The following PPP3CC variants were observed in gnomAD, a reference collection of about 807,000 sequenced individuals.
PPP3CC encodes protein phosphatase 3 catalytic subunit gamma, also known as serine/threonine-protein phosphatase 2B catalytic subunit gamma isoform.
A neutral mutation model predicts 60.3 loss-of-function variants in PPP3CC; 35 were observed. The observed-to-expected ratio is 0.58, with a 90% confidence interval of 0.44 to 0.77. The LOEUF (loss-of-function observed/expected upper bound fraction) is 0.77. Among genes scored for constraint, PPP3CC ranks in the 30% least tolerant of loss-of-function variants. The pLI is 0.00. For missense variants in PPP3CC, 570 were observed against 628.9 expected (o/e 0.91, Z 1.00); for synonymous variants, 206 against 224.3 (o/e 0.92, Z 0.73).
chr8:22,536,196 G>A (rs561384060), intron 12 of PPP3CC, among the ~76,000 whole-genome samples: 7 of 152,204 alleles, frequency 4.6e-5, no homozygotes, highest in South Asian at 2.1e-4. Context: ...AACTATTTCC[G>A]ATTGAATATT....
At chr8:22,519,866 G>A (rs551376762) in intron 6 of PPP3CC, among the ~76,000 whole-genome samples, 2 of 152,250 alleles carry the variant, frequency 1.3e-5, no homozygotes, top group Non-Finnish European at 2.9e-5. Flanking sequence ...ATGTTGGCCA[G>A]GCTGGTCTCT....
At chr8:22,517,010 T>C (rs1008127155) in intron 6 of PPP3CC, among the ~76,000 whole-genome samples, 6 of 152,050 alleles carry the variant, frequency 3.9e-5, no homozygotes, top group Admixed American at 3.9e-4. Context: ...TGGGTGAAAA[T>C]GTTATGACCG....
chr8:22,457,020 CCTCCCTT>C, intron 1 of PPP3CC, among the ~76,000 whole-genome samples: 4 of 27,776 alleles, frequency 1.4e-4, no homozygotes, highest in African/African-American at 6.4e-4. Flanking sequence ...TCCCTCCCTT[CCTCCCTT>C]CCTCCCTTCC....
chr8:22,510,244 C>T (rs1025751403), intron 4 of PPP3CC, among the ~76,000 whole-genome samples: 1 of 151,344 alleles, frequency 6.6e-6, no homozygotes, highest in African/African-American at 2.4e-5. Context: ...AACTCCTGGC[C>T]TCAAGCAATC....
intron 1 of PPP3CC, among the ~76,000 whole-genome samples, chr8:22,446,619 A>G (rs1836829746): frequency 1.3e-5 from 2 of 152,192 alleles, no homozygotes; most frequent in South Asian, 4.1e-4. Flanking sequence ...AGGTCCGGCC[A>G]ACGTGGCGAA....
At chr8:22,470,964 C>T (rs1837704158) in intron 1 of PPP3CC, among the ~76,000 whole-genome samples, 1 of 152,210 alleles carries the variant, frequency 6.6e-6, no homozygotes, top group Admixed American at 6.5e-5. Flanking sequence ...CAACTGTATT[C>T]ATAATGGCTC....
chr8:22,441,101 G>T lies in PPP3CC; in HGVS notation c.-309G>T, dbSNP rs1836649918. 7.6e-6 allele frequency: 2 copies of T among 264,080 alleles called. No homozygotes were observed. The highest frequency in any genetic ancestry group is 1.4e-5 in the Non-Finnish European group (2 of 140,326). The allele number at this position is 264,080 out of a possible 1,614,324, so 16.4% of individuals were successfully genotyped here. A position where few individuals can be genotyped will look rare whatever the true frequency, so the allele number is the denominator to read the frequency against. ...TTGCGTGCACGAGGGCCCGGGCCGC[G>T]AGCAGCCGCGGCCGTCCCGGTCGCC... is the stretch of plus-strand genomic sequence containing the variant. On this transcript the variant is annotated 5_prime_UTR_variant, in exon 1 of 14. Transcript: ENST00000240139.
intron 1 of PPP3CC, among the ~76,000 whole-genome samples, chr8:22,448,511 C>T (rs1369978256): frequency 2.2e-4 from 34 of 151,668 alleles, no homozygotes; most frequent in Admixed American, 2.2e-3. Flanking sequence ...TCCCGAGTAG[C>T]TGGGATTACA....
At chr8:22,531,599 A>G (rs761854425) in intron 10 of PPP3CC, among the ~76,000 whole-genome samples, 1 of 152,124 alleles carries the variant, frequency 6.6e-6, no homozygotes, top group Admixed American at 6.5e-5. Flanking sequence ...TGTGTGGGCT[A>G]TTTTCAGAAT....
chr8:22,472,714 G>T (rs111356021), intron 1 of PPP3CC, among the ~76,000 whole-genome samples: 2 of 152,080 alleles, frequency 1.3e-5, no homozygotes, highest in African/African-American at 4.8e-5. Flanking sequence ...TTCTGTTTTT[G>T]GGGGTCCATG....
chr8:22,494,901 C>G (rs78319974), intron 3 of PPP3CC, among the ~76,000 whole-genome samples: 2,927 of 152,202 alleles, frequency 0.019, 106 homozygotes, highest in African/African-American at 0.067. Flanking sequence ...CATATATCTT[C>G]TTTATTATAT....
At chr8:22,472,212 A>AGG (rs1837743830) in intron 1 of PPP3CC, among the ~76,000 whole-genome samples, 1 of 149,966 alleles carries the variant, frequency 6.7e-6, no homozygotes, top group Non-Finnish European at 1.5e-5. Context: ...AGTTTTTAAA[A>AGG]ACTTTTGGAC....
intron 1 of PPP3CC, among the ~76,000 whole-genome samples, chr8:22,465,562 G>C (rs1463373026): frequency 6.6e-6 from 1 of 152,106 alleles, no homozygotes; most frequent in Non-Finnish European, 1.5e-5. Context: ...ATTATAAAAG[G>C]GCTTAAGGCT....
Position 22,512,634 on chromosome 8 carries a change from A to T in PPP3CC, c.631-659A>T, listed in dbSNP as rs143673905. Among the ~76,000 whole-genome samples the T allele has an allele frequency of 7.4e-3, 1,126 of 152,328 alleles. 42 individuals carry two copies. Among genetic ancestry groups the T allele is most frequent in the Admixed American group, 0.068 (1,036 of 15,292 alleles). ...TAACATTGGCTCACCTAGACAAATA[A>T]AATTAATTTTATATAGTCATAGTCT... On this transcript the variant is annotated intron_variant, in intron 5 of 13. Transcript: ENST00000240139.
At position 22,475,100 on chromosome 8, in the gene PPP3CC, G is replaced by C; in HGVS notation, c.196G>C (p.Ala66Pro). The change falls in exon 2 of 14, where the codon GCC (alanine) becomes CCC (proline). Residue 66 changes from alanine to proline, a missense_variant. Coordinates refer to ENST00000240139, the MANE Select transcript of PPP3CC (RefSeq NM_005605.5). ...VALKIINDGAAILRQEKTMIE... is the reference protein window; with the variant it reads ...VALKIINDGAPILRQEKTMIE... ...CTTAAAGATAATCAATGATGGGGCTGCCATCCTGAGGCAAGAGAAGACTAT... is the reference window on the plus strand; with the variant it reads ...CTTAAAGATAATCAATGATGGGGCTCCCATCCTGAGGCAAGAGAAGACTAT... The C allele has an allele frequency of 6.2e-7, 1 of 1,613,606 alleles. No homozygotes were observed. Among genetic ancestry groups the C allele is most frequent in the Non-Finnish European group, 8.5e-7 (1 of 1,179,708 alleles).
intron 9 of PPP3CC, among the ~76,000 whole-genome samples, 189 bp from the exon 10 acceptor site, chr8:22,528,317 T>C (rs758965136): frequency 3.0e-4 from 45 of 152,248 alleles, no homozygotes; most frequent in Non-Finnish European, 5.3e-4. Flanking sequence ...GAGCAAGTAA[T>C]CTACCCAAAT....
chr8:22,452,515 A>G (rs947824515), intron 1 of PPP3CC, among the ~76,000 whole-genome samples: 4 of 151,598 alleles, frequency 2.6e-5, no homozygotes, highest in African/African-American at 7.3e-5. Context: ...TTTTTCAAGG[A>G]GATGGAGTCT....
At chr8:22,462,719 C>T (rs773912804) in intron 1 of PPP3CC, among the ~76,000 whole-genome samples, 7 of 151,958 alleles carry the variant, frequency 4.6e-5, no homozygotes, top group Non-Finnish European at 8.8e-5. Flanking sequence ...TACAGGCACC[C>T]GCCACCATGC....
At chr8:22,513,146 T>G (rs905930391) in intron 5 of PPP3CC, 147 bp from the exon 6 acceptor site, 1 of 574,582 alleles carries the variant, frequency 1.7e-6, no homozygotes, top group African/African-American at 1.9e-5. Context: ...GTGTTCCTTT[T>G]CTTGCAGGAA....
Sources: allele counts gnomAD v4.1 joint callset (sites outside exome capture counted in the v4.1 genomes callset), GRCh38; gene constraint gnomAD v4.1.1; transcripts MANE v1.5; gene names NCBI Gene and HGNC (gene_info 2026-07-23, HGNC 2026-07-21).